The following C16orf90 variants were observed in gnomAD, a reference collection of about 807,000 sequenced individuals.
The protein encoded by C16orf90 is uncharacterized protein C16orf90.
C16orf90 carries 17 observed loss-of-function variants against 17.1 expected under a neutral mutation model. That is an observed-to-expected ratio of 1.00 (90% CI 0.68 to 1.49). C16orf90 has a LOEUF of 1.49. Ranked by LOEUF, C16orf90 falls within the 40% of genes most tolerant of loss-of-function variation. The pLI is 0.00. For synonymous variants in C16orf90, 108 were observed against 95.8 expected, an observed-to-expected ratio of 1.13 and a Z score of -0.75; for missense variants, 255 against 235.5, an observed-to-expected ratio of 1.08 and a Z score of -0.54.
upstream of C16orf90, chr16:3,496,334 A>T: frequency 8.6e-7 from 1 of 1,165,630 alleles, no homozygotes; most frequent in Non-Finnish European, 1.3e-6. Context: ...CTCCACATTC[A>T]ACCAGGTTGT....
chr16:3,495,303 C>T, intron 1 of C16orf90, 73 bp downstream of exon 1: 1 of 1,524,414 alleles, frequency 6.6e-7, no homozygotes, highest in African/African-American at 1.4e-5. Flanking sequence ...CCTGAGGCCA[C>T]CCCTCGGCTT....
In C16orf90 at chr16:3,495,437, T is replaced by C; in HGVS notation, c.-16A>G. 5 of 1,608,614 alleles carry C rather than the reference T, an allele frequency of 3.1e-6. No homozygotes were observed. The highest frequency in any genetic ancestry group is 4.2e-6 in the Non-Finnish European group (5 of 1,177,402). ...AGGCTTCCATGGAGGGCCAGTGTGGTGGGGAGGAGCAACCAGGACTTGGGT... is the reference window on the plus strand; with the variant it reads ...AGGCTTCCATGGAGGGCCAGTGTGGCGGGGAGGAGCAACCAGGACTTGGGT... On this transcript the variant is annotated 5_prime_UTR_variant, in exon 1 of 3. Coordinates refer to ENST00000437192, the MANE Select transcript of C16orf90 (RefSeq NM_001080524.2).
chr16:3,495,001 A>G (rs1184222321), intron 1 of C16orf90, 124 bp from the exon 2 acceptor site: 2 of 739,224 alleles, frequency 2.7e-6, no homozygotes, highest in African/African-American at 3.5e-5. Context: ...ACCTGGCCTC[A>G]GTTTACCTGT....
At chr16:3,496,430 G>C, upstream of C16orf90, 113 of 843,538 alleles carry the variant, frequency 1.3e-4, no homozygotes, top group Non-Finnish European at 1.6e-4. Flanking sequence ...TCCTGGCTGG[G>C]AAAACAAAAC....
chr16:3,494,752 G>A lies in C16orf90; in HGVS notation c.172C>T (p.Arg58Trp), dbSNP rs555162908. 249 of 1,603,422 alleles carry A rather than the reference G, an allele frequency of 1.6e-4. 3 individuals carry two copies. In the East Asian group the frequency reaches 4.7e-3, roughly 30 times the overall value. ...CCCAGGCCCCGGAGGTGGCGCAGCC[G>A]GAAGTTCTTGGGCTTGCTTCCCTGG... ...SAQGSKPKNFRLRHLRGLGLY... is the reference protein window; with the variant it reads ...SAQGSKPKNFWLRHLRGLGLY... The change falls in exon 2 of 3, where the codon CGG (arginine) becomes TGG (tryptophan). Residue 58 changes from arginine to tryptophan, a missense_variant. Physicochemically the swap from Arg to Trp is moderately radical, Grantham distance 101 (BLOSUM62 -3). Transcript: ENST00000437192.
chr16:3,495,901 G>C (rs766474101), upstream of C16orf90, among the ~76,000 whole-genome samples: 4 of 152,194 alleles, frequency 2.6e-5, no homozygotes, highest in Admixed American at 1.3e-4. Context: ...AGGTCTGTGG[G>C]AGGCCGGGGT....
upstream of C16orf90, chr16:3,496,445 G>A: frequency 1.0e-6 from 1 of 985,378 alleles, no homozygotes; most frequent in South Asian, 1.3e-5. Context: ...CAAAACGGCC[G>A]TGGTTGTGGG....
intron 1 of C16orf90, 113 bp downstream of exon 1, chr16:3,495,262 TG>T: frequency 7.9e-7 from 1 of 1,258,300 alleles, no homozygotes; most frequent in Non-Finnish European, 1.1e-6. Context: ...CCTGGCCCAG[TG>T]GCCATTCCCC....
upstream of C16orf90, chr16:3,496,072 C>A: frequency 3.0e-6 from 1 of 329,254 alleles, no homozygotes; most frequent in Non-Finnish European, 5.9e-6. Context: ...ACCCGGGAGG[C>A]GAAGCTTGCA....
chr16:3,495,365 C>T lies in C16orf90; in HGVS notation c.46+11G>A. 4 of 1,603,732 alleles carry T rather than the reference C, an allele frequency of 2.5e-6. No individual in the cohort carries two copies. Among genetic ancestry groups the T allele is most frequent in the Non-Finnish European group, 3.4e-6 (4 of 1,174,836 alleles). ...TCTCTCTTCCTGCCACTCCTCCCCA[C>T]AGCCCGGCACCTTCTCTTATGTGCA... On this transcript the variant is annotated intron_variant, in intron 1 of 2. Coordinates refer to ENST00000437192, the MANE Select transcript of C16orf90 (RefSeq NM_001080524.2).
intron 1 of C16orf90, 125 bp downstream of exon 1, chr16:3,495,251 G>T: frequency 8.7e-7 from 1 of 1,146,028 alleles, no homozygotes; most frequent in Non-Finnish European, 1.3e-6. Context: ...GGGGCTCATG[G>T]CCTGGCCCAG....
In C16orf90 at chr16:3,494,685, TC is replaced by T. The variant is rs1567414061; in HGVS notation, c.238del (p.Glu80ArgfsTer181). 1.2e-6 allele frequency: 2 copies of T among 1,611,214 alleles called. No individual in the cohort carries two copies. Among genetic ancestry groups the T allele is most frequent in the Non-Finnish European group, 1.7e-6 (2 of 1,179,556 alleles). On this transcript the variant is annotated frameshift_variant, in exon 2 of 3. Transcript: ENST00000437192. LOFTEE classifies it high-confidence loss of function. ...ESHPPPTGQC[E>X]SHWLGRLMAG... ...CATAAGCCGGCCCAGCCAGTGGCTCTCACACTGGCCAGTGGGTGGCGGGTGG... is the reference window on the plus strand; with the variant it reads ...CATAAGCCGGCCCAGCCAGTGGCTCTACACTGGCCAGTGGGTGGCGGGTGG...
chr16:3,493,555 G>T lies in C16orf90; in HGVS notation c.*284C>A, dbSNP rs547565496. Reference sequence around the variant, plus strand: ...CTCTCAGGGAGGCGGTGGCGGGGGGGCCTGATTCTGCACTCAGCCCGGCCT... The same window carrying T: ...CTCTCAGGGAGGCGGTGGCGGGGGGTCCTGATTCTGCACTCAGCCCGGCCT... On this transcript the variant is annotated 3_prime_UTR_variant, in exon 3 of 3. Transcript: ENST00000437192. 3.4e-6 allele frequency: 1 copy of T among 291,276 alleles called. No homozygotes were observed. Among genetic ancestry groups the T allele is most frequent in the Non-Finnish European group, 6.7e-6 (1 of 150,250 alleles). The allele number at this position is 291,276 out of a possible 1,614,324, so 18.0% of individuals were successfully genotyped here.
At chr16:3,495,801 G>A (rs2037300682), upstream of C16orf90, among the ~76,000 whole-genome samples, 1 of 152,096 alleles carries the variant, frequency 6.6e-6, no homozygotes, top group Admixed American at 6.5e-5. Flanking sequence ...ACCTAGGTCG[G>A]TACTTTGAAA....
At chr16:3,496,600 G>C, upstream of C16orf90, 1 of 532,164 alleles carries the variant, frequency 1.9e-6, no homozygotes, top group Non-Finnish European at 3.7e-6. Context: ...ACTCCCTCAA[G>C]GACGGCGGCC....
At position 3,494,826 on chromosome 16, in the gene C16orf90, T is replaced by C; in HGVS notation, c.98A>G (p.Asn33Ser). The C allele has an allele frequency of 6.4e-7, 1 of 1,553,928 alleles. No individual in the cohort carries two copies. Among genetic ancestry groups the C allele is most frequent in the Non-Finnish European group, 8.7e-7 (1 of 1,154,256 alleles). ...GRPGHPDAPP[N>S]IYEGGLGSPQ... is the part of the protein sequence containing the mutation. ...GGACCCCAGGCCCCCCTCGTAGATG[T>C]TGGGGGGTGCGTCAGGGTGGCCGGG... The change falls in exon 2 of 3, where the codon AAC becomes AGC. Residue 33 changes from asparagine to serine, a missense_variant. Transcript: ENST00000437192.
intron 1 of C16orf90, 34 bp downstream of exon 1, chr16:3,495,342 T>C (rs1381620413): frequency 1.3e-6 from 2 of 1,584,346 alleles, no homozygotes; most frequent in Non-Finnish European, 1.7e-6. Context: ...GAAGCCTATC[T>C]CTCTTCCTGC....
upstream of C16orf90, among the ~76,000 whole-genome samples, chr16:3,495,955 A>G (rs531054118): frequency 6.6e-6 from 1 of 152,238 alleles, no homozygotes; most frequent in East Asian, 1.9e-4. Flanking sequence ...CCTGGCTAAC[A>G]CGGTGAAACC....
rs2037296211 is a variant in C16orf90, at chr16:3,495,460, G to C, written c.-39C>G. ...GGTGGGGAGGAGCAACCAGGACTTG[G>C]GTGCAGCAGGGCCCTGCTCTCCCCT... On this transcript the variant is annotated 5_prime_UTR_variant, in exon 1 of 3. Transcript: ENST00000437192. The C allele has an allele frequency of 1.9e-6, 3 of 1,599,982 alleles. No individual in the cohort carries two copies. Among genetic ancestry groups the C allele is most frequent in the African/African-American group, 1.3e-5 (1 of 74,770 alleles).
Sources: gnomAD v4.1 joint callset for allele counts (sites outside exome capture counted in the v4.1 genomes callset) on GRCh38, gnomAD v4.1.1 for gene constraint, MANE v1.5 for transcripts, NCBI Gene and HGNC (gene_info 2026-07-23, HGNC 2026-07-21) for gene names.